ADGRF5: variants seen among roughly 807,000 people sequenced by gnomAD.
ADGRF5 encodes G-protein coupled receptor 116.
In ADGRF5, 75 loss-of-function variants were observed where a neutral mutation model predicts 132.3. The observed-to-expected ratio is 0.57, with a 90% CI of 0.47 to 0.69. ADGRF5 has a LOEUF of 0.69. Ranked by LOEUF, ADGRF5 falls within the 30% of genes least tolerant of loss-of-function variation. The probability of loss-of-function intolerance (pLI) is 0.00; values close to 1 mark genes in which losing one functional copy is unlikely to be tolerated. For synonymous variants in ADGRF5, 629 were observed against 597.6 expected (o/e 1.05, Z -0.77); for missense variants, 1,516 against 1,630.6 (o/e 0.93, Z 1.21).
At chr6:46,952,028 A>G (rs966461532) in intron 1 of ADGRF5, among the ~76,000 whole-genome samples, 1 of 152,202 alleles carries the variant, frequency 6.6e-6, no homozygotes, top group African/African-American at 2.4e-5. Flanking sequence ...CTCTGAAATC[A>G]GGGATTCTCT....
At chr6:46,881,984 A>C (rs901852917) in intron 7 of ADGRF5, 65 bp downstream of exon 7, 1 of 1,150,232 alleles carries the variant, frequency 8.7e-7, no homozygotes, top group Non-Finnish European at 1.3e-6. Flanking sequence ...TAGGGGGTTT[A>C]CCTCCTTCAC....
intron 4 of ADGRF5, among the ~76,000 whole-genome samples, chr6:46,887,717 G>A (rs1170620010): frequency 6.6e-6 from 1 of 152,180 alleles, no homozygotes; most frequent in Admixed American, 6.5e-5. Context: ...CCTGTTATCA[G>A]ATAACTGGAA....
rs1299414068 is a variant in ADGRF5 at position 46,858,693 on chromosome 6, C to G, written c.3210G>C (p.Val1070=). 9 of 1,613,972 alleles carry G rather than the reference C, an allele frequency of 5.6e-6. No individual in the cohort carries two copies. The Admixed American group carries it at 8.3e-5, about 15-fold the overall frequency. ...AGCGATTGTCCTGGATGGCAGCGAC[C>G]ACAATGAACCAGGTGTTGGCGACCA... The part of the protein sequence containing the change: ...SLLVANTWFI[V]VAAIQDNRYI... The change falls in exon 17 of 21, where the codon GTG becomes GTC. Residue 1070 remains valine, a synonymous_variant. Transcript: ENST00000283296.
At chr6:46,942,197 T>G (rs1778115243) in intron 1 of ADGRF5, among the ~76,000 whole-genome samples, 1 of 152,188 alleles carries the variant, frequency 6.6e-6, no homozygotes, top group Non-Finnish European at 1.5e-5. Context: ...TCAAAGCACC[T>G]GCTGAACTGC....
chr6:46,915,359 C>T (rs1432632326), intron 1 of ADGRF5, among the ~76,000 whole-genome samples: 1 of 151,872 alleles, frequency 6.6e-6, no homozygotes, highest in Non-Finnish European at 1.5e-5. Flanking sequence ...AGGAGCAGGG[C>T]CTGGGGGTCT....
In ADGRF5 at chr6:46,879,969, C is replaced by T. The variant is rs774246091; in HGVS notation, c.885G>A (p.Lys295=). 1.2e-6 allele frequency: 2 copies of T among 1,614,162 alleles called. No homozygotes were observed. Among genetic ancestry groups the T allele is most frequent in the South Asian group, 1.1e-5 (1 of 91,090 alleles). Reference sequence around the variant, plus strand: ...AAGACACATTGGAGGACAAAACTTCCTTTTCACACACCAGACTGACTGTGT... The same window carrying T: ...AAGACACATTGGAGGACAAAACTTCTTTTTCACACACCAGACTGACTGTGT... The part of the protein sequence containing the change: ...EGDTVSLVCE[K]EVLSSNVSWR... The change falls in exon 9 of 21, where the codon AAG becomes AAA. Residue 295 remains lysine (K), a synonymous_variant. Transcript: ENST00000283296.
chr6:46,909,784 G>A (rs1303285863), intron 1 of ADGRF5, among the ~76,000 whole-genome samples: 1 of 152,046 alleles, frequency 6.6e-6, no homozygotes, highest in African/African-American at 2.4e-5. Context: ...AGACCAGCCT[G>A]AGCAACAAAC....
chr6:46,925,528 A>G (rs964924736), upstream of ADGRF5, among the ~76,000 whole-genome samples: 1 of 151,062 alleles, frequency 6.6e-6, no homozygotes, highest in African/African-American at 2.4e-5. Context: ...AGGCCAAGAC[A>G]GGTGGATTAC....
intron 1 of ADGRF5, among the ~76,000 whole-genome samples, chr6:46,912,496 A>G (rs941122502): frequency 2.0e-5 from 3 of 152,126 alleles, no homozygotes; most frequent in African/African-American, 7.2e-5. Flanking sequence ...GGTACGAGGC[A>G]GACGGGGTGA....
intron 4 of ADGRF5, chr6:46,888,092 A>C: frequency 2.4e-6 from 1 of 416,930 alleles, no homozygotes; most frequent in Non-Finnish European, 4.4e-6. Flanking sequence ...ACTTTATGAC[A>C]AGCATCATAC....
At chr6:46,939,105 G>A (rs112955685) in intron 1 of ADGRF5, among the ~76,000 whole-genome samples, 15 of 152,102 alleles carry the variant, frequency 9.9e-5, no homozygotes, top group South Asian at 4.1e-4. Context: ...TCTTGACCTC[G>A]TGATCCCCCC....
chr6:46,877,313 C>CCTTCCTT (rs1771881440), intron 10 of ADGRF5, among the ~76,000 whole-genome samples: 1 of 24,298 alleles, frequency 4.1e-5, no homozygotes, highest in African/African-American at 1.6e-4. Context: ...CTCTTTCCTT[C>CCTTCCTT]CTTCCTTCCT....
chr6:46,891,566 T>C (rs1773640158), intron 3 of ADGRF5, among the ~76,000 whole-genome samples: 2 of 151,962 alleles, frequency 1.3e-5, no homozygotes, highest in Admixed American at 6.6e-5. Context: ...CAGTAACAAA[T>C]TCATATCATA....
chr6:46,948,380 G>A (rs1778373829), intron 1 of ADGRF5, among the ~76,000 whole-genome samples: 1 of 151,922 alleles, frequency 6.6e-6, no homozygotes, highest in African/African-American at 2.4e-5. Context: ...GATCTGTTAT[G>A]CCCATTTCAT....
At chr6:46,888,241 A>G in intron 4 of ADGRF5, 94 bp downstream of exon 4, 3 of 861,002 alleles carry the variant, frequency 3.5e-6, no homozygotes, top group South Asian at 1.6e-5. Flanking sequence ...TCACTTGCCT[A>G]CTAAGTAAAA....
upstream of ADGRF5, among the ~76,000 whole-genome samples, chr6:46,922,312 AAAAG>A (rs1425891811): frequency 6.6e-6 from 1 of 152,182 alleles, no homozygotes; most frequent in African/African-American, 2.4e-5. Flanking sequence ...AGCAGAGAAA[AAAAG>A]AATCCGCAGA....
chr6:46,932,511 C>T (rs1177224362), intron 1 of ADGRF5, among the ~76,000 whole-genome samples: 1 of 152,154 alleles, frequency 6.6e-6, no homozygotes, highest in African/African-American at 2.4e-5. Flanking sequence ...GTTTTCTGTG[C>T]ACATTAATGC....
chr6:46,854,121 C>G, intron 20 of ADGRF5, 50 bp from the exon 21 acceptor site: 3 of 1,369,000 alleles, frequency 2.2e-6, no homozygotes, highest in Non-Finnish European at 3.0e-6. Context: ...ATCATGAACT[C>G]TGGGGTGTGA....
intron 1 of ADGRF5, among the ~76,000 whole-genome samples, chr6:46,914,544 A>G (rs1776258502): frequency 1.3e-5 from 2 of 152,110 alleles, no homozygotes; most frequent in Non-Finnish European, 2.9e-5. Context: ...ATTACAGGGG[A>G]ACATTTGTTT....
Sources: gnomAD v4.1 joint callset for allele counts (sites outside exome capture counted in the v4.1 genomes callset) on GRCh38, gnomAD v4.1.1 for gene constraint, MANE v1.5 for transcripts, NCBI Gene and HGNC (gene_info 2026-07-23, HGNC 2026-07-21) for gene names.